The following GPC1 variants were observed in gnomAD, a reference collection of about 807,000 sequenced individuals.
GPC1 encodes the protein glypican 1.
In GPC1, 26 loss-of-function variants were observed where a neutral mutation model predicts 51.5. The observed-to-expected ratio is 0.50, with a 90% CI of 0.37 to 0.70. The LOEUF (loss-of-function observed/expected upper bound fraction) is 0.70. Among genes scored for constraint, GPC1 ranks in the 30% least tolerant of loss-of-function variants. The pLI is 0.00. For missense variants in GPC1, 775 were observed against 800.5 expected (o/e 0.97, Z 0.38); for synonymous variants, 380 against 348.3 (o/e 1.09, Z -1.01).
At chr2:240,463,614 G>A (rs555316516) in intron 4 of GPC1, 102 bp downstream of exon 4, 4 of 987,348 alleles carry the variant, frequency 4.1e-6, no homozygotes, top group Non-Finnish European at 6.1e-6. Flanking sequence ...TGGACCCAGG[G>A]ACCTGATCAG....
intron 1 of GPC1, chr2:240,456,793 C>G (rs2074168888): frequency 2.8e-6 from 1 of 353,060 alleles, no homozygotes; most frequent in African/African-American, 2.1e-5. Flanking sequence ...GGCAGAATCC[C>G]ATCAGTGAAT....
At chr2:240,464,329 G>A (rs1236120432) in intron 4 of GPC1, 2 of 443,314 alleles carry the variant, frequency 4.5e-6, no homozygotes, top group Non-Finnish European at 8.4e-6. Context: ...AGCCAGCGTG[G>A]ACATACGAGA....
chr2:240,463,692 G>A, intron 4 of GPC1, 180 bp downstream of exon 4: 2 of 596,490 alleles, frequency 3.4e-6, no homozygotes, highest in East Asian at 5.6e-5. Context: ...CCTTTTGAAT[G>A]TCCTGAGTGA....
rs940548615 is a variant in GPC1 at position 240,465,598 on chromosome 2, A to C, written c.1394A>C (p.Asn465Thr). ...ATCATGCAGCTGAAGATCATGACCA[A>C]CCGGCTGCGCAGCGCCTACAACGGC... The part of the protein sequence containing the change: ...QQIMQLKIMT[N>T]RLRSAYNGND... Residue 465 changes from asparagine to threonine, a missense_variant, in exon 8 of 9, where the codon AAC becomes ACC. Physicochemically the swap from Asn to Thr is moderately conservative, Grantham distance 65 (BLOSUM62 0). Coordinates refer to ENST00000264039, the MANE Select transcript of GPC1 (RefSeq NM_002081.3). The C allele has an allele frequency of 2.5e-6, 4 of 1,612,924 alleles. No homozygotes were observed. In the African/African-American group the frequency reaches 5.3e-5, roughly 22 times the overall value.
intron 1 of GPC1, chr2:240,450,089 C>T (rs2074083810): frequency 3.0e-6 from 1 of 338,450 alleles, no homozygotes; most frequent in Admixed American, 4.0e-5. Flanking sequence ...AATAACAATT[C>T]ATTGTTTATC....
chr2:240,465,336 G>A (rs866054593), intron 7 of GPC1, 126 bp downstream of exon 7: 19 of 1,332,652 alleles, frequency 1.4e-5, no homozygotes, highest in Middle Eastern at 2.5e-4. Flanking sequence ...ACTTCTCTGC[G>A]GCCTGTGTGG....
At chr2:240,450,409 C>A (rs547993132) in intron 1 of GPC1, 3 of 353,462 alleles carry the variant, frequency 8.5e-6, no homozygotes, top group Non-Finnish European at 1.7e-5. Flanking sequence ...TAAGGCTGTT[C>A]CTCGTGCTGG....
At chr2:240,449,820 C>T (rs1221676541) in intron 1 of GPC1, 1 of 469,408 alleles carries the variant, frequency 2.1e-6, no homozygotes, top group East Asian at 6.9e-5. Context: ...CCTTTCGTGT[C>T]TGGCTTCTTT....
chr2:240,440,540 C>T (rs1242476227), intron 1 of GPC1, among the ~76,000 whole-genome samples: 4 of 151,906 alleles, frequency 2.6e-5, no homozygotes, highest in Admixed American at 6.6e-5. Flanking sequence ...CGGGACTCCT[C>T]CTGGCCTCCC....
In GPC1 at chr2:240,465,677, A is replaced by C. The variant is rs772927411; in HGVS notation, c.1444+29A>C. 3 of 1,603,410 alleles carry C rather than the reference A, an allele frequency of 1.9e-6. No individual in the cohort carries two copies. The South Asian group carries it at 3.3e-5, about 18-fold the overall frequency. ...AGGGCAGGGCCTGGCCGGGCGGCCAAGGGGCCAGGGTTGGTGGGGGTGCCA... is the reference window on the plus strand; with the variant it reads ...AGGGCAGGGCCTGGCCGGGCGGCCACGGGGCCAGGGTTGGTGGGGGTGCCA... On this transcript the variant is annotated intron_variant, in intron 8 of 8. Coordinates refer to ENST00000264039, the MANE Select transcript of GPC1 (RefSeq NM_002081.3).
intron 1 of GPC1, chr2:240,457,599 T>G (rs2074178690): frequency 7.6e-6 from 3 of 397,154 alleles, no homozygotes; most frequent in South Asian, 5.4e-5. Context: ...CTCCAGGCCC[T>G]GCCTGCAGTG....
intron 1 of GPC1, among the ~76,000 whole-genome samples, chr2:240,441,700 G>A (rs1267253788): frequency 6.6e-6 from 1 of 152,212 alleles, no homozygotes. Flanking sequence ...GCTTTTCTTT[G>A]TCTGGGAACA....
At chr2:240,441,639 A>C (rs1376602454) in intron 1 of GPC1, among the ~76,000 whole-genome samples, 3 of 152,072 alleles carry the variant, frequency 2.0e-5, no homozygotes, top group African/African-American at 7.2e-5. Flanking sequence ...GGGGCTCCAG[A>C]CAGGAGCCGC....
At chr2:240,457,708 C>T (rs1366562232) in intron 1 of GPC1, among the ~76,000 whole-genome samples, 1 of 152,144 alleles carries the variant, frequency 6.6e-6, no homozygotes. Flanking sequence ...GGGCTGACCC[C>T]GCCCTCGGTC....
intron 2 of GPC1, among the ~76,000 whole-genome samples, chr2:240,461,048 T>A (rs1234234298): frequency 7.4e-6 from 1 of 135,862 alleles, no homozygotes; most frequent in Non-Finnish European, 1.6e-5. Flanking sequence ...AGCTGGGGAC[T>A]GCACCTGGAT....
At chr2:240,445,713 C>T (rs1362214892) in intron 1 of GPC1, among the ~76,000 whole-genome samples, 1 of 152,160 alleles carries the variant, frequency 6.6e-6, no homozygotes, top group East Asian at 1.9e-4. Context: ...TAACCTCTAA[C>T]CAGAATTTAG....
chr2:240,443,279 G>C (rs2074029789), intron 1 of GPC1, among the ~76,000 whole-genome samples: 1 of 152,274 alleles, frequency 6.6e-6, no homozygotes, highest in Non-Finnish European at 1.5e-5. Flanking sequence ...CCACTTGTCA[G>C]GGGGCAGAGC....
At chr2:240,452,929 GCCCGGCCCCGCTCCGCCGCCTTTC>G (rs764616988) in intron 1 of GPC1, 210 of 308,702 alleles carry the variant, frequency 6.8e-4, no homozygotes, top group African/African-American at 4.7e-3. Context: ...GAGCCCTTCC[GCCCGGCCCCGCTCCGCCGCCTTTC>G]CCCGGCCCGA....
intron 1 of GPC1, among the ~76,000 whole-genome samples, chr2:240,446,106 G>A (rs181847380): frequency 5.3e-5 from 8 of 152,370 alleles, no homozygotes; most frequent in African/African-American, 7.2e-5. Context: ...GCAGCAAGTC[G>A]CCCTCGCAGC....
Sources: allele counts gnomAD v4.1 joint callset (sites outside exome capture counted in the v4.1 genomes callset), GRCh38; gene constraint gnomAD v4.1.1; transcripts MANE v1.5; gene names NCBI Gene and HGNC (gene_info 2026-07-23, HGNC 2026-07-21).